SH3KBP1: variants seen among roughly 807,000 people sequenced by gnomAD.
The protein encoded by SH3KBP1 is SH3 domain containing kinase binding protein 1.
Under a neutral mutation model 50.1 loss-of-function variants are expected in SH3KBP1, and 8 were observed. The ratio of observed to expected loss-of-function variants is 0.16; its 90% CI spans 0.09 to 0.29. The LOEUF (loss-of-function observed/expected upper bound fraction) is 0.29, where lower values mean the gene tolerates loss of function less well. Among genes scored for constraint, SH3KBP1 ranks in the 10% least tolerant of loss-of-function variants. The pLI, the probability that SH3KBP1 is intolerant of heterozygous loss-of-function variation, is 1.00. For missense variants in SH3KBP1, 377 were observed against 535.2 expected (o/e 0.70, Z 2.92); for synonymous variants, 227 against 218.6 (o/e 1.04, Z -0.34).
intron 2 of SH3KBP1, among the ~76,000 whole-genome samples, chrX:19,816,668 C>T (rs1457041882): frequency 2.7e-5 from 3 of 110,557 alleles, no homozygotes; most frequent in African/African-American, 6.6e-5. Context: ...ATTAGCCAGG[C>T]GTGGTGGCTC....
intron 8 of SH3KBP1, among the ~76,000 whole-genome samples, chrX:19,610,412 A>G (rs1404780901): frequency 9.0e-6 from 1 of 111,588 alleles, no homozygotes; most frequent in Non-Finnish European, 1.9e-5. Flanking sequence ...TGGGAGTAGA[A>G]TTTCTTTGAC....
chrX:19,570,912 G>A (rs1377336695), intron 12 of SH3KBP1, among the ~76,000 whole-genome samples: 6 of 111,935 alleles, frequency 5.4e-5, no homozygotes, highest in South Asian at 3.7e-4. Context: ...AGCCGTGATC[G>A]TGCCACTGCA....
rs1438953617 is a variant in SH3KBP1, at chrX:19,557,719, C to T, written c.1385-7636G>A. Among the ~76,000 whole-genome samples the T allele has an allele frequency of 6.3e-5, 7 of 111,765 alleles. No individual in the cohort carries two copies. The Admixed American group carries it at 6.7e-4, about 11-fold the overall frequency. ...CACTTAAACGCTCAGCCCATTCATTCAGTGGCTATTTTTCTGAGCATACAC... is the reference window on the plus strand; with the variant it reads ...CACTTAAACGCTCAGCCCATTCATTTAGTGGCTATTTTTCTGAGCATACAC... On this transcript the variant is annotated intron_variant, in intron 13 of 17. Transcript: ENST00000397821.
chrX:19,542,982 A>G (rs776705169), intron 15 of SH3KBP1, among the ~76,000 whole-genome samples: 1 of 111,970 alleles, frequency 8.9e-6, no homozygotes, highest in East Asian at 2.8e-4. Flanking sequence ...GCTGGAGAGA[A>G]CTGCTGGGAG....
At chrX:19,802,219 C>T (rs2066914333) in intron 2 of SH3KBP1, among the ~76,000 whole-genome samples, 1 of 110,612 alleles carries the variant, frequency 9.0e-6, no homozygotes, top group African/African-American at 3.3e-5. Flanking sequence ...ACAAGGAAAC[C>T]CGGTCTCTAC....
intron 3 of SH3KBP1, 98 bp downstream of exon 3, chrX:19,746,220 A>T: frequency 9.8e-7 from 1 of 1,021,720 alleles, no homozygotes; most frequent in Non-Finnish European, 1.3e-6. Context: ...GACAAACTCT[A>T]TTCAATTTTT....
chrX:19,687,492 G>A (rs2063192142), intron 5 of SH3KBP1: 2 of 563,625 alleles, frequency 3.5e-6, no homozygotes, highest in South Asian at 5.5e-5. Context: ...CCATGTCCTT[G>A]GATCAGAAAT....
At chrX:19,713,095 C>T (rs2063818250) in intron 3 of SH3KBP1, among the ~76,000 whole-genome samples, 2 of 109,300 alleles carry the variant, frequency 1.8e-5, no homozygotes, top group African/African-American at 6.7e-5. Flanking sequence ...TGGTGGCGCA[C>T]TCCTGTAGTC....
chrX:19,620,817 T>C (rs894779621), intron 8 of SH3KBP1, among the ~76,000 whole-genome samples: 2 of 111,866 alleles, frequency 1.8e-5, no homozygotes, highest in African/African-American at 6.5e-5. Flanking sequence ...CTCTCAAGAG[T>C]GTCTTTGCAG....
chrX:19,604,321 G>T (rs1485098175), intron 9 of SH3KBP1, among the ~76,000 whole-genome samples: 1 of 111,789 alleles, frequency 8.9e-6, no homozygotes, highest in Non-Finnish European at 1.9e-5. Context: ...CAAAGCATTT[G>T]TTACCCTGGT....
intron 2 of SH3KBP1, among the ~76,000 whole-genome samples, chrX:19,762,572 C>A (rs752399896): frequency 2.7e-5 from 3 of 111,293 alleles, no homozygotes; most frequent in Non-Finnish European, 5.7e-5. Flanking sequence ...TCAGCACTAC[C>A]CACTTCCCAA....
chrX:19,656,940 G>A (rs1713930043), intron 6 of SH3KBP1, among the ~76,000 whole-genome samples: 1 of 112,091 alleles, frequency 8.9e-6, no homozygotes, highest in Non-Finnish European at 1.9e-5. Context: ...AATGTCTTGA[G>A]CTGAAGACAA....
chrX:19,537,765 C>T lies in SH3KBP1; in HGVS notation c.1908G>A (p.Gln636=), dbSNP rs1162489225. 2 of 1,208,802 alleles carry T rather than the reference C, an allele frequency of 1.7e-6. No homozygotes were observed. Among genetic ancestry groups the T allele is most frequent in the African/African-American group, 3.5e-5 (2 of 57,144 alleles). The change falls in exon 17 of 18, where the codon CAG becomes CAA. Residue 636 remains glutamine (Q), a synonymous_variant. Transcript: ENST00000397821. Reference sequence around the variant, plus strand: ...TCTCTTCATCCAACTCAGACAATAACTGTTTAATCTCTCGTCTGAAAAGCA... The same window carrying T: ...TCTCTTCATCCAACTCAGACAATAATTGTTTAATCTCTCGTCTGAAAAGCA... ...MKDQQKREIK[Q]LLSELDEEKK...
At chrX:19,574,578 G>C (rs1024611736) in intron 12 of SH3KBP1, among the ~76,000 whole-genome samples, 2 of 112,505 alleles carry the variant, frequency 1.8e-5, no homozygotes, top group Non-Finnish European at 3.8e-5. Flanking sequence ...CGTGGTGGAA[G>C]GGAGAGGGGT....
At chrX:19,656,646 G>A (rs1221336897) in intron 6 of SH3KBP1, among the ~76,000 whole-genome samples, 3 of 111,726 alleles carry the variant, frequency 2.7e-5, no homozygotes, top group African/African-American at 9.8e-5. Context: ...AGACAGATAT[G>A]GTGGCTCAAG....
At chrX:19,791,151 G>T (rs1239278012) in intron 2 of SH3KBP1, among the ~76,000 whole-genome samples, 1 of 111,238 alleles carries the variant, frequency 9.0e-6, no homozygotes, top group Non-Finnish European at 1.9e-5. Context: ...TTCTACCTTT[G>T]TGTTCCCAGC....
chrX:19,773,778 C>G (rs1344784487), intron 2 of SH3KBP1, among the ~76,000 whole-genome samples: 1 of 102,092 alleles, frequency 9.8e-6, no homozygotes, highest in Non-Finnish European at 2.0e-5. Context: ...ATGGCGTGAA[C>G]CCGGGAGGCG....
chrX:19,810,517 C>T (rs2067175240), intron 2 of SH3KBP1, among the ~76,000 whole-genome samples: 1 of 111,974 alleles, frequency 8.9e-6, no homozygotes, highest in South Asian at 3.7e-4. Context: ...AGATAACACA[C>T]TTCACCCTGC....
chrX:19,842,454 A>G (rs757865821), intron 1 of SH3KBP1, among the ~76,000 whole-genome samples: 33 of 111,724 alleles, frequency 3.0e-4, no homozygotes, highest in Non-Finnish European at 5.5e-4. Context: ...TGAACCCCAG[A>G]GGCAGAGGTT....
Sources: gnomAD v4.1 joint callset for allele counts (sites outside exome capture counted in the v4.1 genomes callset) on GRCh38, gnomAD v4.1.1 for gene constraint, MANE v1.5 for transcripts, NCBI Gene and HGNC (gene_info 2026-07-23, HGNC 2026-07-21) for gene names.